RSF1: variants seen among roughly 807,000 people sequenced by gnomAD.
The protein encoded by RSF1 is remodeling and spacing factor 1, also known as HBV pX-associated protein 8.
Under a neutral mutation model 145.2 loss-of-function variants are expected in RSF1, and 13 were observed. That is an observed-to-expected ratio of 0.09 (90% CI 0.06 to 0.14). The LOEUF is 0.14. Ranked by LOEUF, RSF1 falls within the 10% of genes least tolerant of loss-of-function variation. The pLI, the probability that RSF1 is intolerant of heterozygous loss-of-function variation, is 1.00. For missense variants in RSF1, 1,517 were observed against 1,718.2 expected (o/e 0.88, Z 2.07); for synonymous variants, 577 against 592.6 (o/e 0.97, Z 0.38).
intron 1 of RSF1, among the ~76,000 whole-genome samples, chr11:77,805,863 G>A (rs1211391302): frequency 2.6e-5 from 4 of 152,154 alleles, no homozygotes; most frequent in Non-Finnish European, 5.9e-5. Context: ...CTTTTCAGCT[G>A]TTTCCCTCCT....
At chr11:77,698,801 A>G in intron 6 of RSF1, 108 bp from the exon 7 acceptor site, 1 of 868,128 alleles carries the variant, frequency 1.2e-6, no homozygotes, top group Non-Finnish European at 1.8e-6. Flanking sequence ...ATACCAAAAA[A>G]AGAGGAGAAA....
At chr11:77,798,853 G>A (rs560452534) in intron 1 of RSF1, among the ~76,000 whole-genome samples, 1 of 151,344 alleles carries the variant, frequency 6.6e-6, no homozygotes, top group African/African-American at 2.4e-5. Flanking sequence ...GGATAGGGGA[G>A]GGATAACATT....
the RSF1 span, among the ~76,000 whole-genome samples, chr11:77,852,239 AAAG>A: frequency 2.6e-3 from 344 of 133,724 alleles, 14 homozygotes; most frequent in Middle Eastern, 3.8e-3. Context: ...AAAAAAAAAA[AAAG>A]AAGAAGAAGA....
intron 4 of RSF1, among the ~76,000 whole-genome samples, chr11:77,736,899 G>A (rs1169323166): frequency 6.6e-6 from 1 of 152,196 alleles, no homozygotes; most frequent in Non-Finnish European, 1.5e-5. Context: ...AAGGATGTAT[G>A]TAATAGAATT....
chr11:77,748,138 A>C (rs994407194), intron 2 of RSF1, among the ~76,000 whole-genome samples: 12 of 152,266 alleles, frequency 7.9e-5, no homozygotes, highest in African/African-American at 2.9e-4. Flanking sequence ...GATTTGTGCA[A>C]TAAAATAATA....
At chr11:77,771,752 C>T (rs1315448051) in intron 1 of RSF1, among the ~76,000 whole-genome samples, 1 of 152,142 alleles carries the variant, frequency 6.6e-6, no homozygotes, top group African/African-American at 2.4e-5. Flanking sequence ...ATATATTTCA[C>T]ATTTTCCATA....
At chr11:77,822,414 C>CAA (rs66463325), upstream of RSF1, among the ~76,000 whole-genome samples, 11,775 of 74,358 alleles carry the variant, frequency 0.16, 1,210 homozygotes, top group African/African-American at 0.23. Context: ...GACTCCACCT[C>CAA]AAAAAAAAAA....
At chr11:77,691,551 T>C (rs975042966) in intron 8 of RSF1, 1 of 250,954 alleles carries the variant, frequency 4.0e-6, no homozygotes, top group African/African-American at 2.2e-5. Flanking sequence ...ACAGTGATTA[T>C]ACTTTTTAAA....
intron 1 of RSF1, among the ~76,000 whole-genome samples, chr11:77,819,426 G>T (rs2135996467): frequency 6.6e-6 from 1 of 152,218 alleles, no homozygotes; most frequent in East Asian, 1.9e-4. Flanking sequence ...GGCAGCAGGC[G>T]CAGCGCTGAG....
intron 2 of RSF1, among the ~76,000 whole-genome samples, chr11:77,753,602 C>T (rs756388026): frequency 5.3e-5 from 8 of 152,212 alleles, no homozygotes; most frequent in Non-Finnish European, 1.2e-4. Flanking sequence ...TTTAAAAGCA[C>T]ATCAGCTATC....
chr11:77,852,625 T>C, the RSF1 span, among the ~76,000 whole-genome samples: 6 of 152,216 alleles, frequency 3.9e-5, no homozygotes, highest in Non-Finnish European at 8.8e-5. Flanking sequence ...AAAGTCTTAT[T>C]CACCTCCCTA....
intron 1 of RSF1, among the ~76,000 whole-genome samples, chr11:77,793,359 C>T (rs1045087229): frequency 6.6e-6 from 1 of 152,100 alleles, no homozygotes; most frequent in African/African-American, 2.4e-5. Flanking sequence ...GTGGCCTGCA[C>T]CTGTAGTCTC....
At chr11:77,821,182 T>A, upstream of RSF1, 1 of 357,842 alleles carries the variant, frequency 2.8e-6, no homozygotes, top group Non-Finnish European at 5.0e-6. Context: ...GCTGGGAGCG[T>A]AAGTGCGGGC....
intron 2 of RSF1, among the ~76,000 whole-genome samples, chr11:77,749,226 G>A (rs1948034644): frequency 6.6e-6 from 1 of 152,144 alleles, no homozygotes; most frequent in Admixed American, 6.6e-5. Context: ...CTCAAATTAA[G>A]ATAATGATGA....
At chr11:77,772,836 T>G (rs866219320) in intron 1 of RSF1, among the ~76,000 whole-genome samples, 1 of 130,564 alleles carries the variant, frequency 7.7e-6, no homozygotes, top group African/African-American at 2.9e-5. Context: ...GTGACAAGAG[T>G]TGCCCAAGAT....
chr11:77,660,930 G>A lies in RSF1; in HGVS notation c.*5987C>T, dbSNP rs577667725. On this transcript the variant is annotated 3_prime_UTR_variant, in exon 16 of 16. Coordinates refer to ENST00000308488, the MANE Select transcript of RSF1 (RefSeq NM_016578.4). ...TGGCAAAATTATCAGATGGGAAAAA[G>A]TACTGACATTTAAACGAAGCTGTGA... The A allele has an allele frequency of 6.6e-6, 1 of 152,292 alleles. No individual in the cohort carries two copies. The highest frequency in any genetic ancestry group is 1.9e-4 in the East Asian group (1 of 5,188). 9.4% of individuals were successfully genotyped at this position (152,292 alleles called of 1,614,324 possible).
the RSF1 span, among the ~76,000 whole-genome samples, chr11:77,853,208 A>G: frequency 1.3e-5 from 2 of 152,262 alleles, no homozygotes; most frequent in Non-Finnish European, 2.9e-5. Context: ...ATTTGTTAGT[A>G]AAAGTGAACA....
chr11:77,804,102 G>A (rs1948653691), intron 1 of RSF1, among the ~76,000 whole-genome samples: 1 of 152,166 alleles, frequency 6.6e-6, no homozygotes, highest in Non-Finnish European at 1.5e-5. Flanking sequence ...ATACTGAGCA[G>A]TTTCCTGACT....
At position 77,692,465 on chromosome 11, in the gene RSF1, C is replaced by T. The variant is rs1198035550; in HGVS notation, c.2820+1042G>A. Among the ~76,000 whole-genome samples the T allele has an allele frequency of 2.3e-4, 23 of 100,674 alleles. 1 individual carries two copies. Among genetic ancestry groups the T allele is most frequent in the African/African-American group, 1.1e-3 (21 of 19,604 alleles). 66.0% of individuals were successfully genotyped at this position (100,674 alleles called of 152,430 possible). A position where few individuals can be genotyped will look rare whatever the true frequency, so the allele number is the denominator to read the frequency against. On this transcript the variant is annotated intron_variant, in intron 8 of 15. Transcript: ENST00000308488. ...TTCACCGTTTTAGCCAGGATGGTCT[C>T]GATCTCCTGACCTCGTGATCCGCCC... is the stretch of plus-strand genomic sequence containing the variant.
Sources: gnomAD v4.1 joint callset for allele counts (sites outside exome capture counted in the v4.1 genomes callset) on GRCh38, gnomAD v4.1.1 for gene constraint, MANE v1.5 for transcripts, NCBI Gene and HGNC (gene_info 2026-07-23, HGNC 2026-07-21) for gene names.